TEAD2: variants seen among roughly 807,000 people sequenced by gnomAD.
The protein encoded by TEAD2 is TEA domain transcription factor 2.
In TEAD2, 51 loss-of-function variants were observed where a neutral mutation model predicts 61.4. The ratio of observed to expected loss-of-function variants is 0.83; its 90% CI spans 0.66 to 1.05. TEAD2 has a LOEUF of 1.05. Among genes scored for constraint, TEAD2 ranks in the 50% least tolerant of loss-of-function variants. TEAD2 has a pLI of 0.00. For synonymous variants in TEAD2, 244 were observed against 243.2 expected, an observed-to-expected ratio of 1.00 and a Z score of -0.03; for missense variants, 509 against 600.0, an observed-to-expected ratio of 0.85 and a Z score of 1.58.
Position 49,341,499 on chromosome 19 carries a change from C to T in TEAD2, c.1243-62G>A. The T allele has an allele frequency of 1.5e-6, 2 of 1,374,150 alleles. No homozygotes were observed. Among genetic ancestry groups the T allele is most frequent in the Non-Finnish European group, 2.1e-6 (2 of 969,908 alleles). 85.1% of individuals were successfully genotyped at this position (1,374,150 alleles called of 1,614,324 possible). The stretch of plus-strand genomic sequence containing the variant: ...AAGGGAGGGCAGGGACCCCTGTGCC[C>T]CCCTGCCAAGCTATCATGGAATACC... On this transcript the variant is annotated intron_variant, in intron 12 of 12. Transcript: ENST00000593945. This position sits in a 1 kb window ranked among gnomAD's most constrained non-coding sequence, Gnocchi z 4.2.
At chr19:49,342,941 T>TTCAG (rs1971395728) in intron 11 of TEAD2, among the ~76,000 whole-genome samples, 1 of 152,088 alleles carries the variant, frequency 6.6e-6, no homozygotes, top group Non-Finnish European at 1.5e-5. Flanking sequence ...CCAGCAACTG[T>TTCAG]AAGTGTGACT....
At chr19:49,352,246 G>GCTA (rs1972072641) in intron 7 of TEAD2, among the ~76,000 whole-genome samples, 1 of 152,144 alleles carries the variant, frequency 6.6e-6, no homozygotes, top group Non-Finnish European at 1.5e-5. Flanking sequence ...CCCACATGTG[G>GCTA]CTACTGACCA....
chr19:49,353,706 G>A (rs936724924), intron 7 of TEAD2, among the ~76,000 whole-genome samples: 4 of 143,964 alleles, frequency 2.8e-5, no homozygotes, highest in African/African-American at 1.0e-4. Context: ...GATGCTTCCC[G>A]TATCCCCATT....
At chr19:49,358,681 G>A (rs1474876947) in intron 3 of TEAD2, among the ~76,000 whole-genome samples, 3 of 148,384 alleles carry the variant, frequency 2.0e-5, no homozygotes. Context: ...TCACCAGGCT[G>A]GAGTGCAGTA....
chr19:49,343,089 G>T, intron 11 of TEAD2, 142 bp downstream of exon 11: 2 of 970,246 alleles, frequency 2.1e-6, no homozygotes, highest in Non-Finnish European at 3.0e-6. Context: ...CTGCCCATTA[G>T]CTCCCAACGC....
In TEAD2 at chr19:49,359,678, C is replaced by A. The variant is rs574275307; in HGVS notation, c.232+166G>T. 1.1e-4 allele frequency among the ~76,000 whole-genome samples: 17 copies of A among 152,288 alleles called. No homozygotes were observed. The highest frequency in any genetic ancestry group is 3.3e-4 in the Admixed American group (5 of 15,298). ...GGGTTCAAATCCCAGCTCCATCACG[C>A]ACTGGCTCTGTGCGACCATAAGCAA... On this transcript the variant is annotated intron_variant, in intron 2 of 12. Coordinates refer to ENST00000593945, the MANE Select transcript of TEAD2 (RefSeq NM_001256660.2). The surrounding 1 kb of genome is among the most constrained non-coding windows in gnomAD (Gnocchi z 4.1).
At chr19:49,356,574 T>C (rs1011103945) in intron 4 of TEAD2, among the ~76,000 whole-genome samples, 3 of 150,434 alleles carry the variant, frequency 2.0e-5, no homozygotes, top group Admixed American at 2.0e-4. Context: ...GCACAAAGAG[T>C]AGGCAGGTCA....
In TEAD2 at chr19:49,340,989, T is replaced by C; in HGVS notation, c.*335A>G. ...CATGCAGAGGAGTGGGGGTGGCCTG[T>C]CAGGGGCTGAAAAGAAAAGCCAGTG... On this transcript the variant is annotated 3_prime_UTR_variant, in exon 13 of 13. Transcript: ENST00000593945. The C allele has an allele frequency of 4.2e-6, 1 of 237,260 alleles. No homozygotes were observed. Among genetic ancestry groups the C allele is most frequent in the Non-Finnish European group, 8.3e-6 (1 of 119,850 alleles). The allele number at this position is 237,260 out of a possible 1,614,324, so 14.7% of individuals were successfully genotyped here.
At chr19:49,347,927 G>A (rs1450873262) in intron 9 of TEAD2, among the ~76,000 whole-genome samples, 2 of 152,230 alleles carry the variant, frequency 1.3e-5, no homozygotes, top group Middle Eastern at 3.2e-3. Flanking sequence ...TTTACACAGT[G>A]TGAAACTACA....
chr19:49,359,449 G>A lies in TEAD2; in HGVS notation c.283C>T (p.Arg95Ter), dbSNP rs146676889. ...CATTCCGAGACCTGTTTTCGAGTTC[G>A]GGTCTTCCCCGTTCTCAGCTTGATG... ...RYIKLRTGKT[R>*]TRKQVSSHIQ... Residue 95 changes from arginine to a stop codon, truncating the protein, a stop_gained, in exon 3 of 13, where the codon CGA (arginine) becomes TGA (stop). Transcript: ENST00000593945. LOFTEE classifies it high-confidence loss of function. The surrounding 1 kb of genome is among the most constrained non-coding windows in gnomAD (Gnocchi z 4.1). The A allele has an allele frequency of 2.5e-6, 4 of 1,613,876 alleles. No homozygotes were observed. Among genetic ancestry groups the A allele is most frequent in the African/African-American group, 2.7e-5 (2 of 74,882 alleles).
chr19:49,356,650 G>C (rs73590122), intron 4 of TEAD2, among the ~76,000 whole-genome samples: 3,523 of 152,162 alleles, frequency 0.023, 152 homozygotes, highest in African/African-American at 0.08. Flanking sequence ...CAGCACAAGA[G>C]GGGGAAGATA....
At position 49,359,996 on chromosome 19, in the gene TEAD2, G is replaced by A; in HGVS notation, c.80C>T (p.Thr27Ile). 1.9e-6 allele frequency: 3 copies of A among 1,609,460 alleles called. No homozygotes were observed. The highest frequency in any genetic ancestry group is 2.5e-6 in the Non-Finnish European group (3 of 1,179,880). The change falls in exon 2 of 13, where the codon ACC (threonine) becomes ATC (isoleucine). Residue 27 changes from threonine (T) to isoleucine (I), a missense_variant. Transcript: ENST00000593945. The surrounding 1 kb of genome is among the most constrained non-coding windows in gnomAD (Gnocchi z 4.1). ...ACCCCCAGCCCCCTCACTGCCGCCG[G>A]TACCCTCCTCACTGCCTTCCTCACT... ...TGSEEGSEEG[T>I]GGSEGAGGDG... is the part of the protein sequence containing the mutation.
Position 49,359,008 on chromosome 19 carries a change from G to A in TEAD2, c.297+427C>T, listed in dbSNP as rs1408035163. ...AATCCCAGCACTTTGGGGGGCTGAG[G>A]TGAGTGGATCACCTGAGGTCAGGAG... On this transcript the variant is annotated intron_variant, in intron 3 of 12. Transcript: ENST00000593945. This position sits in a 1 kb window ranked among gnomAD's most constrained non-coding sequence, Gnocchi z 4.1. Among the ~76,000 whole-genome samples, 1 of 152,082 alleles carries A rather than the reference G, an allele frequency of 6.6e-6. No homozygotes were observed. The highest frequency in any genetic ancestry group is 1.5e-5 in the Non-Finnish European group (1 of 68,022).
chr19:49,350,566 C>T (rs1200553523), intron 8 of TEAD2, among the ~76,000 whole-genome samples: 1 of 152,056 alleles, frequency 6.6e-6, no homozygotes, highest in Non-Finnish European at 1.5e-5. Context: ...AACTCCTGAC[C>T]TCAGGTGATC....
rs1173755141 is a variant in TEAD2 at position 49,359,954 on chromosome 19, G to C, written c.122C>G (p.Ala41Gly). ...EGAGGDGGPD[A>G]EGVWSPDIEQ... ...AATGTCTGGGCTCCACACCCCCTCT[G>C]CATCCGGGCCCCCGTCACCCCCAGC... The change falls in exon 2 of 13, where the codon GCA becomes GGA. Residue 41 changes from alanine (A) to glycine (G), a missense_variant. Transcript: ENST00000593945. This position sits in a 1 kb window ranked among gnomAD's most constrained non-coding sequence, Gnocchi z 4.1. 1.2e-6 allele frequency: 2 copies of C among 1,611,106 alleles called. No individual in the cohort carries two copies. The highest frequency in any genetic ancestry group is 1.7e-5 in the Admixed American group (1 of 59,978).
chr19:49,361,559 A>T (rs1600813137), intron 1 of TEAD2: 1 of 151,752 alleles, frequency 6.6e-6, no homozygotes, highest in Non-Finnish European at 1.5e-5. Flanking sequence ...CCATCAGGGG[A>T]GGGGCTTGCC....
chr19:49,345,671 A>G (rs1461699348), intron 10 of TEAD2, among the ~76,000 whole-genome samples: 2 of 152,042 alleles, frequency 1.3e-5, no homozygotes, highest in Non-Finnish European at 2.9e-5. Context: ...CTTCTCAGAG[A>G]CTAGATCCCT....
intron 5 of TEAD2, 127 bp downstream of exon 5, chr19:49,355,832 G>GA (rs1205516768): frequency 2.0e-3 from 1,785 of 878,798 alleles, no homozygotes; most frequent in South Asian, 3.4e-3. Context: ...TCTCCAAAAA[G>GA]AAAAAAAAAG....
At chr19:49,348,894 T>C in intron 8 of TEAD2, 49 bp from the exon 9 acceptor site, 1 of 1,451,982 alleles carries the variant, frequency 6.9e-7, no homozygotes, top group Non-Finnish European at 9.1e-7. Context: ...ATTTATGGAA[T>C]ATATCAGGTA....
Sources: gnomAD v4.1 joint callset for allele counts (sites outside exome capture counted in the v4.1 genomes callset) on GRCh38, gnomAD v4.1.1 for gene constraint, Gnocchi (gnomAD v3.1) non-coding constraint, MANE v1.5 for transcripts, NCBI Gene and HGNC (gene_info 2026-07-23, HGNC 2026-07-21) for gene names.